The following CCDC7 variants were observed in gnomAD, a reference collection of about 807,000 sequenced individuals.
The protein encoded by CCDC7 is coiled-coil domain-containing protein 7.
In CCDC7, 183 loss-of-function variants were observed where a neutral mutation model predicts 196.9. That is an observed-to-expected ratio of 0.93 (90% confidence interval 0.82 to 1.05). CCDC7 has a LOEUF of 1.05. CCDC7 is among the 50% of genes least tolerant of loss of function. CCDC7 has a pLI of 0.00. For missense variants in CCDC7, 1,540 were observed against 1,482.2 expected (o/e 1.04, Z -0.64); for synonymous variants, 525 against 484.6 (o/e 1.08, Z -1.10).
At chr10:32,640,957 G>A (rs1281015777) in intron 20 of CCDC7, among the ~76,000 whole-genome samples, 1 of 143,318 alleles carries the variant, frequency 7.0e-6, no homozygotes, top group Non-Finnish European at 1.5e-5. Context: ...CATGTGCCAT[G>A]CTGGTGCGCT....
chr10:32,786,800 T>C (rs1358912703), intron 29 of CCDC7, among the ~76,000 whole-genome samples: 3 of 151,782 alleles, frequency 2.0e-5, no homozygotes, highest in African/African-American at 7.3e-5. Context: ...CTATATTAAA[T>C]ATCCTCAAAG....
At chr10:32,668,426 G>A (rs926235517) in intron 21 of CCDC7, among the ~76,000 whole-genome samples, 3 of 152,160 alleles carry the variant, frequency 2.0e-5, no homozygotes, top group Admixed American at 6.5e-5. Context: ...AGTGGTGAGA[G>A]AGGGCATCCC....
intron 9 of CCDC7, among the ~76,000 whole-genome samples, chr10:32,506,073 G>A (rs545912931): frequency 1.3e-4 from 19 of 148,910 alleles, no homozygotes; most frequent in East Asian, 4.0e-4. Context: ...ATGGGGTGGC[G>A]GCCGGGCAGA....
At chr10:32,816,638 C>T (rs1227772589) in intron 31 of CCDC7, among the ~76,000 whole-genome samples, 2 of 152,180 alleles carry the variant, frequency 1.3e-5, no homozygotes, top group Admixed American at 6.5e-5. Flanking sequence ...TGAGACAAAA[C>T]TTCCAGAGGA....
intron 40 of CCDC7, 147 bp downstream of exon 41, chr10:32,852,079 T>G (rs1405449237): frequency 6.6e-6 from 5 of 756,048 alleles, no homozygotes; most frequent in Non-Finnish European, 1.0e-5. Context: ...GCACCTAACA[T>G]TTGTTCATTC....
chr10:32,757,875 AGAG>A, intron 28 of CCDC7, among the ~76,000 whole-genome samples: 1 of 152,194 alleles, frequency 6.6e-6, no homozygotes, highest in Middle Eastern at 3.4e-3. Context: ...ATAAAGAAGA[AGAG>A]AAGAATCAAA....
intron 25 of CCDC7, among the ~76,000 whole-genome samples, chr10:32,725,878 C>T (rs940091204): frequency 1.3e-4 from 20 of 152,190 alleles, no homozygotes; most frequent in African/African-American, 4.8e-4. Flanking sequence ...CACATTTCAA[C>T]ATGAGATTTG....
chr10:32,782,195 G>C (rs1417706799), intron 29 of CCDC7, among the ~76,000 whole-genome samples: 1 of 151,376 alleles, frequency 6.6e-6, no homozygotes, highest in African/African-American at 2.4e-5. Flanking sequence ...GACATCTCAT[G>C]TTCATGGATT....
At chr10:32,848,053 T>G (rs2093383439) in intron 38 of CCDC7, 137 bp downstream of exon 39, 2 of 517,546 alleles carry the variant, frequency 3.9e-6, no homozygotes, top group Non-Finnish European at 3.3e-6. Context: ...ATATAATTAG[T>G]TAAACTCTCG....
At chr10:32,557,025 G>C (rs2054472214) in intron 13 of CCDC7, among the ~76,000 whole-genome samples, 1 of 152,112 alleles carries the variant, frequency 6.6e-6, no homozygotes, top group African/African-American at 2.4e-5. Flanking sequence ...GTTTACTTTT[G>C]TTCCCATTAT....
chr10:32,729,557 C>T, intron 28 of CCDC7, 100 bp downstream of exon 29: 1 of 509,886 alleles, frequency 2.0e-6, no homozygotes, highest in Non-Finnish European at 3.3e-6. Flanking sequence ...GCTTCTTCTG[C>T]TAATTATTTC....
intron 8 of CCDC7, among the ~76,000 whole-genome samples, chr10:32,479,608 A>G (rs919450072): frequency 6.6e-6 from 1 of 152,180 alleles, no homozygotes; most frequent in Non-Finnish European, 1.5e-5. Flanking sequence ...TCAGTTTGCT[A>G]GTATTTTGTT....
At chr10:32,728,833 A>C (rs1230347531) in intron 26 of CCDC7, 54 bp from the exon 28 acceptor site, 1 of 939,352 alleles carries the variant, frequency 1.1e-6, no homozygotes, top group East Asian at 2.6e-5. Context: ...TACATATTAT[A>C]CATTCATAGA....
In CCDC7 at chr10:32,847,498, T is replaced by C. The variant is rs534983342; in HGVS notation, c.3689-335T>C. ...GAAGAAAAGGAAGGTAACAGAGATA[T>C]CAGCAAATAATATAGAAATTTCAAA... On this transcript the variant is annotated intron_variant, in intron 37 of 41. Transcript: ENST00000639629. 6.0e-4 allele frequency among the ~76,000 whole-genome samples: 92 copies of C among 152,066 alleles called. No homozygotes were observed. The Middle Eastern group carries it at 0.014, about 22-fold the overall frequency.
At chr10:32,846,344 T>C in intron 36 of CCDC7, 32 bp from the exon 38 acceptor site, 1 of 1,269,916 alleles carries the variant, frequency 7.9e-7, no homozygotes, top group East Asian at 2.3e-5. Flanking sequence ...GTTTACCTTA[T>C]AAAGTATTTT....
At chr10:32,583,280 A>T in exon 17 of CCDC7, 1 of 1,231,352 alleles carries the variant, frequency 8.1e-7, no homozygotes. Flanking sequence ...CATTCATTTT[A>T]CCTCCTGTTC....
At chr10:32,484,403 C>T (rs139929745) in intron 8 of CCDC7, among the ~76,000 whole-genome samples, 52,479 of 152,070 alleles carry the variant, frequency 0.35, 11,471 homozygotes, top group Non-Finnish European at 0.5. Flanking sequence ...TGGGCTGAGA[C>T]GATGGGGTTT....
chr10:32,742,263 C>T (rs1037758728), intron 28 of CCDC7, among the ~76,000 whole-genome samples: 1 of 152,082 alleles, frequency 6.6e-6, no homozygotes, highest in Admixed American at 6.6e-5. Context: ...TGCCATTCCC[C>T]CCACACAGAC....
intron 15 of CCDC7, among the ~76,000 whole-genome samples, chr10:32,569,590 C>A (rs2057308918): frequency 1.3e-5 from 2 of 151,970 alleles, no homozygotes; most frequent in Admixed American, 6.6e-5. Flanking sequence ...CCATGCCTGG[C>A]TAATTTTTTA....
Sources: allele counts gnomAD v4.1 joint callset (sites outside exome capture counted in the v4.1 genomes callset), GRCh38; gene constraint gnomAD v4.1.1; transcripts MANE v1.5; gene names NCBI Gene and HGNC (gene_info 2026-07-23, HGNC 2026-07-21).